ZNF385B: variants seen among roughly 807,000 people sequenced by gnomAD.
ZNF385B encodes the protein zinc finger protein 533.
Under a neutral mutation model 39.2 loss-of-function variants are expected in ZNF385B, and 23 were observed. That is an observed-to-expected ratio of 0.59 (90% CI 0.42 to 0.83). The LOEUF (loss-of-function observed/expected upper bound fraction) is 0.83, where lower values mean the gene tolerates loss of function less well. ZNF385B is among the 40% of genes least tolerant of loss of function. The pLI is 0.00. For synonymous variants in ZNF385B, 205 were observed against 222.6 expected, an observed-to-expected ratio of 0.92 and a Z score of 0.70; for missense variants, 552 against 598.9, an observed-to-expected ratio of 0.92 and a Z score of 0.82.
At chr2:179,493,641 ACATATGCGTATACATATATGTATATG>A (rs1487549751) in intron 5 of ZNF385B, among the ~76,000 whole-genome samples, 1 of 122,822 alleles carries the variant, frequency 8.1e-6, no homozygotes, top group African/African-American at 3.1e-5. Flanking sequence ...ATATGTATAC[ACATATGCGTATACATATATGTATATG>A]CATATGCATA....
At chr2:179,773,580 T>C (rs1025168185) in intron 1 of ZNF385B, among the ~76,000 whole-genome samples, 1 of 152,222 alleles carries the variant, frequency 6.6e-6, no homozygotes, top group Non-Finnish European at 1.5e-5. Context: ...ACAATTCTTA[T>C]ATTATTGGTT....
intron 3 of ZNF385B, among the ~76,000 whole-genome samples, chr2:179,603,398 T>A (rs927734767): frequency 6.6e-6 from 1 of 152,230 alleles, no homozygotes; most frequent in Non-Finnish European, 1.5e-5. Context: ...TGCAGTAGGG[T>A]CTGGTTCAGT....
intron 3 of ZNF385B, among the ~76,000 whole-genome samples, chr2:179,754,793 T>C (rs1702904244): frequency 6.6e-6 from 1 of 152,208 alleles, no homozygotes. Flanking sequence ...TTTATCATTT[T>C]TTATTATGTC....
chr2:179,786,397 G>C (rs373169028), intron 1 of ZNF385B, among the ~76,000 whole-genome samples: 1 of 152,052 alleles, frequency 6.6e-6, no homozygotes, highest in Non-Finnish European at 1.5e-5. Context: ...ATATGATTTT[G>C]TTTTCCACTT....
intron 3 of ZNF385B, among the ~76,000 whole-genome samples, chr2:179,735,800 C>T (rs960682028): frequency 7.4e-5 from 11 of 149,336 alleles, no homozygotes; most frequent in African/African-American, 9.9e-5. Flanking sequence ...CCAAACACCG[C>T]ATATTCTCAC....
At chr2:179,688,415 C>T (rs1324254631) in intron 3 of ZNF385B, among the ~76,000 whole-genome samples, 1 of 152,086 alleles carries the variant, frequency 6.6e-6, no homozygotes, top group Admixed American at 6.5e-5. Flanking sequence ...GAGAGGATCT[C>T]TTGAGCCCAG....
intron 6 of ZNF385B, among the ~76,000 whole-genome samples, chr2:179,464,553 A>G (rs2051763253): frequency 6.6e-6 from 1 of 152,156 alleles, no homozygotes. Context: ...GTCCAGTTTC[A>G]GTTTTCTGCA....
intron 3 of ZNF385B, among the ~76,000 whole-genome samples, chr2:179,554,335 C>T (rs548404415): frequency 6.7e-5 from 10 of 149,258 alleles, no homozygotes; most frequent in Non-Finnish European, 8.9e-5. Flanking sequence ...ATAAATGTTT[C>T]GACAGATGAG....
chr2:179,839,302 T>C (rs144227617), intron 1 of ZNF385B, among the ~76,000 whole-genome samples: 72 of 152,332 alleles, frequency 4.7e-4, no homozygotes, highest in African/African-American at 1.7e-3. Context: ...CAGAGAGAAC[T>C]GTGAGCAGTT....
chr2:179,498,132 A>T (rs929390989), intron 5 of ZNF385B, among the ~76,000 whole-genome samples: 1 of 152,154 alleles, frequency 6.6e-6, no homozygotes, highest in African/African-American at 2.4e-5. Context: ...ACCCACTTTC[A>T]GCACTGGGCT....
In ZNF385B at chr2:179,595,041, T is replaced by C. The variant is rs1457013198; in HGVS notation, c.299-50072A>G. Among the ~76,000 whole-genome samples the C allele has an allele frequency of 8.5e-5, 13 of 152,344 alleles. No homozygotes were observed. The East Asian group carries it at 2.3e-3, about 27-fold the overall frequency. On this transcript the variant is annotated intron_variant, in intron 3 of 9. Coordinates refer to ENST00000410066, the MANE Select transcript of ZNF385B (RefSeq NM_152520.6). ...TGATAATATGATAAAGCAAATTTTA[T>C]GTAGGCATAAGATAAATGCCAATAA...
intron 6 of ZNF385B, among the ~76,000 whole-genome samples, chr2:179,460,887 C>T (rs1244444263): frequency 1.3e-5 from 2 of 152,166 alleles, no homozygotes; most frequent in Admixed American, 1.3e-4. Flanking sequence ...GTAATTACTC[C>T]CATCCTCTCA....
At chr2:179,753,102 AT>A (rs1211237832) in intron 3 of ZNF385B, among the ~76,000 whole-genome samples, 2 of 152,150 alleles carry the variant, frequency 1.3e-5, no homozygotes, top group Non-Finnish European at 2.9e-5. Flanking sequence ...TCTTGAATTA[AT>A]TTTTGTATAA....
intron 1 of ZNF385B, among the ~76,000 whole-genome samples, chr2:179,796,802 A>T (rs1705693283): frequency 6.6e-6 from 1 of 152,184 alleles, no homozygotes; most frequent in African/African-American, 2.4e-5. Flanking sequence ...TGAACAGAGT[A>T]GGCTTGAGCA....
intron 1 of ZNF385B, among the ~76,000 whole-genome samples, chr2:179,839,708 A>G (rs2106613361): frequency 6.6e-6 from 1 of 152,214 alleles, no homozygotes; most frequent in African/African-American, 2.4e-5. Context: ...AGTGTAGAGG[A>G]GCCACAAGGA....
At chr2:179,841,822 C>T (rs1056354666) in intron 1 of ZNF385B, among the ~76,000 whole-genome samples, 1 of 152,192 alleles carries the variant, frequency 6.6e-6, no homozygotes, top group African/African-American at 2.4e-5. Context: ...TCCAGGGCAA[C>T]ATACTTGGAT....
chr2:179,477,253 A>G (rs1293411218), intron 6 of ZNF385B, among the ~76,000 whole-genome samples: 3 of 152,234 alleles, frequency 2.0e-5, no homozygotes, highest in Non-Finnish European at 4.4e-5. Context: ...AAAACCTTAG[A>G]CAAAATTGAA....
intron 3 of ZNF385B, among the ~76,000 whole-genome samples, chr2:179,573,047 A>G (rs1685411142): frequency 6.6e-6 from 1 of 152,212 alleles, no homozygotes; most frequent in African/African-American, 2.4e-5. Context: ...GATATTTCAA[A>G]TCTTATAGCA....
chr2:179,773,810 T>A (rs961290155), intron 1 of ZNF385B, among the ~76,000 whole-genome samples: 1 of 152,232 alleles, frequency 6.6e-6, no homozygotes, highest in African/African-American at 2.4e-5. Context: ...TGGAAAGGTA[T>A]ACATTTTCCT....
Sources: gnomAD v4.1 joint callset for allele counts (sites outside exome capture counted in the v4.1 genomes callset) on GRCh38, gnomAD v4.1.1 for gene constraint, MANE v1.5 for transcripts, NCBI Gene and HGNC (gene_info 2026-07-23, HGNC 2026-07-21) for gene names.